Variants in GULP1 observed in about 807,000 individuals in gnomAD.
The protein encoded by GULP1 is GULP PTB domain containing engulfment adaptor 1, also known as PTB domain-containing engulfment adapter protein 1.
A neutral mutation model predicts 40.9 loss-of-function variants in GULP1; 19 were observed. The observed-to-expected ratio is 0.46, with a 90% CI of 0.32 to 0.68. GULP1 has a LOEUF of 0.68. GULP1 is among the 30% of genes least tolerant of loss of function. The pLI is 0.03. For synonymous variants in GULP1, 119 were observed against 117.6 expected, an observed-to-expected ratio of 1.01 and a Z score of -0.08; for missense variants, 312 against 362.2, an observed-to-expected ratio of 0.86 and a Z score of 1.12.
intron 2 of GULP1, among the ~76,000 whole-genome samples, chr2:188,419,644 A>G (rs915625557): frequency 2.6e-5 from 4 of 151,124 alleles, no homozygotes; most frequent in African/African-American, 4.9e-5. Flanking sequence ...ATTTCCTCCC[A>G]TTCTATAGTG....
intron 4 of GULP1, among the ~76,000 whole-genome samples, chr2:188,503,521 C>G (rs984285649): frequency 1.3e-5 from 2 of 151,930 alleles, no homozygotes; most frequent in African/African-American, 2.4e-5. Flanking sequence ...TGATCCATCA[C>G]CTCCCACCAG....
intron 1 of GULP1, among the ~76,000 whole-genome samples, chr2:188,312,211 G>A (rs2038282286): frequency 6.6e-6 from 1 of 151,478 alleles, no homozygotes; most frequent in Admixed American, 6.6e-5. Context: ...AAAAAACCCA[G>A]ATATATGTTC....
intron 1 of GULP1, among the ~76,000 whole-genome samples, chr2:188,366,414 A>G (rs1302850866): frequency 6.6e-6 from 1 of 152,136 alleles, no homozygotes; most frequent in East Asian, 1.9e-4. Context: ...CATGTCACAT[A>G]TCTGACTATT....
At chr2:188,328,122 A>G (rs995949787) in intron 1 of GULP1, among the ~76,000 whole-genome samples, 1 of 152,186 alleles carries the variant, frequency 6.6e-6, no homozygotes, top group African/African-American at 2.4e-5. Context: ...GAGAGCAATC[A>G]TAATAACATA....
At chr2:188,495,105 T>A (rs931132100) in intron 4 of GULP1, among the ~76,000 whole-genome samples, 84 of 152,046 alleles carry the variant, frequency 5.5e-4, no homozygotes, top group African/African-American at 2.0e-3. Context: ...TCTTGGGAGG[T>A]AAGGCCAGAT....
chr2:188,586,315 T>A lies in GULP1; in HGVS notation c.749-1540T>A, dbSNP rs180867654. 5.9e-5 allele frequency among the ~76,000 whole-genome samples: 9 copies of A among 152,350 alleles called. No individual in the cohort carries two copies. In the East Asian group the frequency reaches 1.7e-3, roughly 29 times the overall value. ...TCATTTCGTTTACTAAATTTTTACT[T>A]CCTTTTACAACGGGACATGTTTGAA... On this transcript the variant is annotated intron_variant, in intron 10 of 11. Coordinates refer to ENST00000409830, the MANE Select transcript of GULP1 (RefSeq NM_016315.4).
intron 2 of GULP1, among the ~76,000 whole-genome samples, chr2:188,440,438 C>G (rs1559243613): frequency 1.3e-5 from 2 of 152,332 alleles, no homozygotes; most frequent in Middle Eastern, 6.8e-3. Context: ...GGGTCACACT[C>G]ATGCAAAAGT....
At chr2:188,381,610 T>G (rs2049015159) in intron 1 of GULP1, among the ~76,000 whole-genome samples, 1 of 152,176 alleles carries the variant, frequency 6.6e-6, no homozygotes, top group South Asian at 2.1e-4. Flanking sequence ...TTCTCTCTAA[T>G]TTCTGTTCAT....
chr2:188,468,394 TTAAA>T (rs1213065405), intron 2 of GULP1, among the ~76,000 whole-genome samples: 2 of 152,170 alleles, frequency 1.3e-5, no homozygotes, highest in Non-Finnish European at 2.9e-5. Context: ...GACATACACT[TTAAA>T]TAAAGTTGGG....
At chr2:188,499,133 G>GCATATA in intron 4 of GULP1, among the ~76,000 whole-genome samples, 1 of 120,716 alleles carries the variant, frequency 8.3e-6, no homozygotes, top group Non-Finnish European at 1.7e-5. Context: ...ATATATGTGT[G>GCATATA]TGTATATATA....
chr2:188,548,676 A>G (rs1261030278), intron 7 of GULP1, among the ~76,000 whole-genome samples: 2 of 152,036 alleles, frequency 1.3e-5, no homozygotes, highest in African/African-American at 2.4e-5. Flanking sequence ...CTGTTTCAAG[A>G]CTTATTAGAT....
At chr2:188,333,264 G>T (rs549299895) in intron 1 of GULP1, among the ~76,000 whole-genome samples, 308 of 151,810 alleles carry the variant, frequency 2.0e-3, no homozygotes, top group African/African-American at 7.1e-3. Context: ...AAAAAATTTG[G>T]CAGGTATACT....
At chr2:188,477,307 A>G (rs1194676196) in intron 2 of GULP1, among the ~76,000 whole-genome samples, 15 of 152,132 alleles carry the variant, frequency 9.9e-5, no homozygotes, top group Non-Finnish European at 2.1e-4. Context: ...AGGTAAATAA[A>G]AAGTAAAGTG....
At chr2:188,467,646 A>G (rs1485603085) in intron 2 of GULP1, among the ~76,000 whole-genome samples, 4 of 152,090 alleles carry the variant, frequency 2.6e-5, no homozygotes, top group Non-Finnish European at 4.4e-5. Flanking sequence ...CTCAGCTATT[A>G]TATTTCCTAC....
intron 2 of GULP1, among the ~76,000 whole-genome samples, chr2:188,422,610 CATTT>C (rs2055604326): frequency 6.6e-6 from 1 of 151,760 alleles, no homozygotes; most frequent in African/African-American, 2.4e-5. Context: ...ATTATGTGCA[CATTT>C]ATTTAAAATA....
chr2:188,351,607 CATG>C lies in GULP1; in HGVS notation c.-171-32153_-171-32151del, dbSNP rs1181576795. ...TCTAGAGGTTATAGCCAAGGATGTT[CATG>C]ATAAGTAGGAAAAAAGAGCTATATT... On this transcript the variant is annotated intron_variant, in intron 1 of 11. Transcript: ENST00000409830. Among the ~76,000 whole-genome samples, 3 of 152,046 alleles carry C rather than the reference CATG, an allele frequency of 2.0e-5. No individual in the cohort carries two copies. In the East Asian group the frequency reaches 5.8e-4, roughly 29 times the overall value.
chr2:188,563,652 A>G (rs891997379), intron 7 of GULP1, among the ~76,000 whole-genome samples: 10 of 151,360 alleles, frequency 6.6e-5, no homozygotes, highest in African/African-American at 2.4e-4. Flanking sequence ...AAACTTTTTG[A>G]CAAGTGAAAT....
chr2:188,538,188 A>T (rs545542213), intron 6 of GULP1, among the ~76,000 whole-genome samples: 43 of 151,968 alleles, frequency 2.8e-4, no homozygotes, highest in Admixed American at 5.3e-4. Flanking sequence ...ATTTCATTCA[A>T]TTCCACTCAG....
intron 1 of GULP1, among the ~76,000 whole-genome samples, chr2:188,310,658 G>A (rs2037935693): frequency 6.6e-6 from 1 of 152,180 alleles, no homozygotes; most frequent in Non-Finnish European, 1.5e-5. Context: ...GAAGTAGGGG[G>A]AAATCCTGAG....
Sources: gnomAD v4.1 joint callset for allele counts (sites outside exome capture counted in the v4.1 genomes callset) on GRCh38, gnomAD v4.1.1 for gene constraint, MANE v1.5 for transcripts, NCBI Gene and HGNC (gene_info 2026-07-23, HGNC 2026-07-21) for gene names.